SPOCK3: variants seen among roughly 807,000 people sequenced by gnomAD.
SPOCK3 encodes testican-3.
SPOCK3 carries 30 observed loss-of-function variants against 56.6 expected under a neutral mutation model. The ratio of observed to expected loss-of-function variants is 0.53; its 90% CI spans 0.40 to 0.72. The LOEUF (loss-of-function observed/expected upper bound fraction) is 0.72, where lower values mean the gene tolerates loss of function less well. SPOCK3 is among the 30% of genes least tolerant of loss of function. SPOCK3 has a pLI of 0.00. For missense variants in SPOCK3, 527 were observed against 530.0 expected (o/e 0.99, Z 0.06); for synonymous variants, 196 against 183.3 (o/e 1.07, Z -0.56).
intron 3 of SPOCK3, among the ~76,000 whole-genome samples, chr4:167,022,276 A>G (rs1751264540): frequency 6.6e-6 from 1 of 152,088 alleles, no homozygotes; most frequent in African/African-American, 2.4e-5. Context: ...TAGGATATTC[A>G]CATGAGACAC....
intron 6 of SPOCK3, among the ~76,000 whole-genome samples, chr4:166,869,693 C>T (rs1424117634): frequency 6.6e-6 from 1 of 151,216 alleles, no homozygotes; most frequent in African/African-American, 2.4e-5. Flanking sequence ...GCTTCAAAGT[C>T]ATTCCCATAC....
intron 3 of SPOCK3, among the ~76,000 whole-genome samples, chr4:167,007,396 G>C (rs1749571826): frequency 6.6e-6 from 1 of 151,834 alleles, no homozygotes; most frequent in Admixed American, 6.6e-5. Flanking sequence ...TAAAATAGTT[G>C]GTATACTATA....
At chr4:166,798,636 C>A (rs1036756866) in intron 6 of SPOCK3, among the ~76,000 whole-genome samples, 1 of 152,118 alleles carries the variant, frequency 6.6e-6, no homozygotes, top group Admixed American at 6.6e-5. Flanking sequence ...GATTAAAGAG[C>A]AGACACAGAA....
At chr4:166,954,120 A>G (rs1045523471) in intron 4 of SPOCK3, among the ~76,000 whole-genome samples, 8 of 152,134 alleles carry the variant, frequency 5.3e-5, no homozygotes, top group African/African-American at 1.9e-4. Context: ...TATATTGCCC[A>G]TTTTTAAATC....
At chr4:167,105,751 C>T (rs1244606825) in intron 2 of SPOCK3, among the ~76,000 whole-genome samples, 1 of 151,620 alleles carries the variant, frequency 6.6e-6, no homozygotes, top group Non-Finnish European at 1.5e-5. Flanking sequence ...AAGGAACATG[C>T]TTTACCTGTA....
chr4:167,140,371 C>A (rs1215700602), intron 2 of SPOCK3, among the ~76,000 whole-genome samples: 1 of 151,998 alleles, frequency 6.6e-6, no homozygotes, highest in Non-Finnish European at 1.5e-5. Flanking sequence ...ATAGCTTATA[C>A]CTAAACAGTG....
intron 2 of SPOCK3, among the ~76,000 whole-genome samples, chr4:167,150,903 A>T (rs543401598): frequency 6.6e-5 from 10 of 152,334 alleles, no homozygotes; most frequent in Admixed American, 1.3e-4. Context: ...TGCCCAAATT[A>T]CTGTGAATGA....
At chr4:167,234,614 G>C (rs2111200309), upstream of SPOCK3, 1 of 197,200 alleles carries the variant, frequency 5.1e-6, no homozygotes, top group East Asian at 1.3e-4. Flanking sequence ...CTTCGCGCGC[G>C]GATCTCCAGC....
chr4:166,848,433 T>G (rs964889003), intron 6 of SPOCK3, among the ~76,000 whole-genome samples: 8 of 152,216 alleles, frequency 5.3e-5, no homozygotes, highest in African/African-American at 1.9e-4. Context: ...GAGTGATGTT[T>G]TGAAATGCTC....
At chr4:166,947,469 T>C (rs1741908770) in intron 4 of SPOCK3, among the ~76,000 whole-genome samples, 1 of 152,150 alleles carries the variant, frequency 6.6e-6, no homozygotes, top group Admixed American at 6.5e-5. Flanking sequence ...AGTAGCAAAG[T>C]TTTGCATGTA....
At chr4:167,090,920 A>G (rs1160924249) in intron 2 of SPOCK3, among the ~76,000 whole-genome samples, 1 of 152,230 alleles carries the variant, frequency 6.6e-6, no homozygotes, top group Non-Finnish European at 1.5e-5. Context: ...CCAACAAATA[A>G]TGCAGATCTA....
At chr4:166,839,037 TTCAG>T (rs1335285802) in intron 6 of SPOCK3, among the ~76,000 whole-genome samples, 1 of 152,146 alleles carries the variant, frequency 6.6e-6, no homozygotes, top group Non-Finnish European at 1.5e-5. Flanking sequence ...ACATTTTTCA[TTCAG>T]TCTGTTGTCT....
At chr4:166,805,497 T>TA (rs1475123977) in intron 6 of SPOCK3, among the ~76,000 whole-genome samples, 1 of 152,094 alleles carries the variant, frequency 6.6e-6, no homozygotes, top group Non-Finnish European at 1.5e-5. Flanking sequence ...CCATTCAGAT[T>TA]ATTATTTTAT....
At chr4:166,948,217 C>T (rs1186463275) in intron 4 of SPOCK3, among the ~76,000 whole-genome samples, 1 of 152,024 alleles carries the variant, frequency 6.6e-6, no homozygotes, top group Non-Finnish European at 1.5e-5. Context: ...GAATAGTATT[C>T]CATTGTGCAT....
At chr4:167,070,813 A>G (rs889986099) in intron 2 of SPOCK3, among the ~76,000 whole-genome samples, 4 of 151,982 alleles carry the variant, frequency 2.6e-5, no homozygotes, top group Admixed American at 1.3e-4. Flanking sequence ...TTGATCACAA[A>G]ATAGATTAGG....
intron 5 of SPOCK3, among the ~76,000 whole-genome samples, chr4:166,899,665 C>T (rs745873601): frequency 5.3e-5 from 8 of 151,858 alleles, no homozygotes; most frequent in Non-Finnish European, 7.4e-5. Context: ...TACAGGCACA[C>T]GCCACCATGC....
chr4:167,109,438 A>ATATATT (rs1476771965), intron 2 of SPOCK3, among the ~76,000 whole-genome samples: 2 of 105,328 alleles, frequency 1.9e-5, no homozygotes, highest in South Asian at 5.2e-4. Context: ...TATGATAAAT[A>ATATATT]TATATTTATA....
intron 8 of SPOCK3, among the ~76,000 whole-genome samples, chr4:166,745,944 A>C (rs1446341034): frequency 2.6e-5 from 4 of 152,226 alleles, no homozygotes; most frequent in Non-Finnish European, 2.9e-5. Flanking sequence ...TAACTATCCT[A>C]AATATATATG....
chr4:167,018,504 A>T (rs114331707), intron 3 of SPOCK3, among the ~76,000 whole-genome samples: 1,777 of 152,218 alleles, frequency 0.012, 38 homozygotes, highest in African/African-American at 0.04. Context: ...ATAAAAGAAC[A>T]GTGGAAAAGA....
Sources: allele counts gnomAD v4.1 joint callset (sites outside exome capture counted in the v4.1 genomes callset), GRCh38; gene constraint gnomAD v4.1.1; transcripts MANE v1.5; gene names NCBI Gene and HGNC (gene_info 2026-07-23, HGNC 2026-07-21).